TNNI1: variants seen among roughly 807,000 people sequenced by gnomAD.
The protein encoded by TNNI1 is troponin I, slow skeletal muscle.
A neutral mutation model predicts 26.7 loss-of-function variants in TNNI1; 14 were observed. The ratio of observed to expected loss-of-function variants is 0.52; its 90% CI spans 0.35 to 0.82. The LOEUF (loss-of-function observed/expected upper bound fraction) is 0.82. Ranked by LOEUF, TNNI1 falls within the 40% of genes least tolerant of loss-of-function variation. The pLI, the probability that TNNI1 is intolerant of heterozygous loss-of-function variation, is 0.01. For missense variants in TNNI1, 164 were observed against 257.0 expected (o/e 0.64, Z 2.47); for synonymous variants, 79 against 98.2 (o/e 0.80, Z 1.16).
At chr1:201,418,283 A>G (rs952144985) in intron 1 of TNNI1, among the ~76,000 whole-genome samples, 2 of 152,102 alleles carry the variant, frequency 1.3e-5, no homozygotes, top group Non-Finnish European at 2.9e-5. Context: ...AGCCTGGCCA[A>G]TATGGTCAAA....
intron 1 of TNNI1, among the ~76,000 whole-genome samples, chr1:201,421,188 C>G (rs1041435232): frequency 4.6e-5 from 7 of 152,206 alleles, no homozygotes; most frequent in Non-Finnish European, 8.8e-5. Flanking sequence ...CCTTGGCCAG[C>G]AGGGAGCTCT....
At chr1:201,410,238 T>A in intron 8 of TNNI1, 88 bp downstream of exon 8, 1 of 1,203,000 alleles carries the variant, frequency 8.3e-7, no homozygotes, top group Non-Finnish European at 1.2e-6. Flanking sequence ...TGCACCACAC[T>A]AAGTACAACC....
At chr1:201,416,890 C>A (rs1009301436) in intron 3 of TNNI1, among the ~76,000 whole-genome samples, 1 of 152,150 alleles carries the variant, frequency 6.6e-6, no homozygotes, top group Non-Finnish European at 1.5e-5. Flanking sequence ...TGACATGGTA[C>A]ACTGGCACAG....
chr1:201,414,036 T>C (rs1290228487), intron 5 of TNNI1, among the ~76,000 whole-genome samples: 1 of 152,204 alleles, frequency 6.6e-6, no homozygotes, highest in East Asian at 1.9e-4. Context: ...ACAAAAATAA[T>C]AAAAATTAAA....
intron 8 of TNNI1, 107 bp downstream of exon 8, chr1:201,410,219 G>C: frequency 2.2e-6 from 2 of 924,538 alleles, no homozygotes; most frequent in East Asian, 2.6e-5. Flanking sequence ...GCCTTAGTCC[G>C]TGCATCCGTG....
intron 3 of TNNI1, among the ~76,000 whole-genome samples, chr1:201,415,511 T>C (rs1296671725): frequency 6.6e-6 from 1 of 152,174 alleles, no homozygotes; most frequent in African/African-American, 2.4e-5. Context: ...TCTTGTAAGA[T>C]ACTATGAGGG....
At chr1:201,410,854 G>C (rs188223539) in intron 7 of TNNI1, among the ~76,000 whole-genome samples, 2 of 152,266 alleles carry the variant, frequency 1.3e-5, no homozygotes, top group Admixed American at 1.3e-4. Flanking sequence ...AAGCTTCTTG[G>C]GCCAGAGACT....
In TNNI1 at chr1:201,404,902, ACG is replaced by A; in HGVS notation, c.*4349_*4350del. ...TGAACAGGCACAAGCGTTCACACAC[ACG>A]CTCCTCCCCCAGGGGCTCCCAGGTT... On this transcript the variant is annotated 3_prime_UTR_variant, in exon 9 of 9. Transcript: ENST00000361379. The A allele has an allele frequency of 6.6e-6, 1 of 152,474 alleles. No individual in the cohort carries two copies. The highest frequency in any genetic ancestry group is 1.5e-5 in the Non-Finnish European group (1 of 68,154). 9.4% of individuals were successfully genotyped at this position (152,474 alleles called of 1,614,324 possible).
chr1:201,419,752 C>A (rs946120693), intron 1 of TNNI1, among the ~76,000 whole-genome samples: 6 of 152,214 alleles, frequency 3.9e-5, no homozygotes, highest in Non-Finnish European at 8.8e-5. Flanking sequence ...GGCCTCCCTC[C>A]ACCTCTGCCT....
chr1:201,418,044 CTTTTTTTTTTTTT>C (rs35188093), intron 1 of TNNI1, among the ~76,000 whole-genome samples: 1 of 122,362 alleles, frequency 8.2e-6, no homozygotes, highest in African/African-American at 3.0e-5. Context: ...GAATTGTAAG[CTTTTTTTTTTTTT>C]TTTTTTTTAA....
intron 3 of TNNI1, among the ~76,000 whole-genome samples, chr1:201,416,774 T>A (rs1662747979): frequency 1.3e-5 from 2 of 152,172 alleles, no homozygotes; most frequent in South Asian, 4.1e-4. Context: ...TGGAATAGGA[T>A]GGTCCCCCCA....
Position 201,417,194 on chromosome 1 carries a change from T to A in TNNI1, c.12-75A>T, listed in dbSNP as rs903614724. 6.9e-6 allele frequency: 11 copies of A among 1,601,552 alleles called. No individual in the cohort carries two copies. The Admixed American group carries it at 1.0e-4, about 15-fold the overall frequency. On this transcript the variant is annotated intron_variant, in intron 2 of 8. Transcript: ENST00000361379. ...GAGTATGAACAATGAGGATTACATG[T>A]GCAGTCGCAGAACCTCACAGACCAG... is the stretch of plus-strand genomic sequence containing the variant.
Position 201,405,006 on chromosome 1 carries a change from C to A in TNNI1, c.*4247G>T, listed in dbSNP as rs1472348749. 1 of 152,338 alleles carries A rather than the reference C, an allele frequency of 6.6e-6. No homozygotes were observed. Among genetic ancestry groups the A allele is most frequent in the Non-Finnish European group, 1.5e-5 (1 of 68,098 alleles). 9.4% of individuals were successfully genotyped at this position (152,338 alleles called of 1,614,324 possible). On this transcript the variant is annotated 3_prime_UTR_variant, in exon 9 of 9. Transcript: ENST00000361379. ...GGGCAAAGGGCCAGGCTCACCCAGCCTGTGCCAACCAGTGAGAGAGGCCAA... is the reference window on the plus strand; with the variant it reads ...GGGCAAAGGGCCAGGCTCACCCAGCATGTGCCAACCAGTGAGAGAGGCCAA...
At chr1:201,414,381 A>T (rs1662696767) in intron 5 of TNNI1, 137 bp downstream of exon 5, 1 of 701,250 alleles carries the variant, frequency 1.4e-6, no homozygotes, top group East Asian at 3.0e-5. Context: ...ATTAAATGAG[A>T]CCATGTAAGG....
chr1:201,412,190 G>T (rs1571735330), intron 6 of TNNI1, among the ~76,000 whole-genome samples: 1 of 152,334 alleles, frequency 6.6e-6, no homozygotes, highest in African/African-American at 2.4e-5. Flanking sequence ...GTGCAGGGCT[G>T]CTTCCTCTTG....
Position 201,408,424 on chromosome 1 carries a change from T to G in TNNI1, c.*829A>C, listed in dbSNP as rs571382875. ...GGCCTGGAACTGCAAGTATCTCTTC[T>G]GTGAGGCCTCCTGCCCTGTGCAGCA... On this transcript the variant is annotated 3_prime_UTR_variant, in exon 9 of 9. Coordinates refer to ENST00000361379, the MANE Select transcript of TNNI1 (RefSeq NM_003281.4). 1 of 152,326 alleles carries G rather than the reference T, an allele frequency of 6.6e-6. No individual in the cohort carries two copies. Among genetic ancestry groups the G allele is most frequent in the East Asian group, 1.9e-4 (1 of 5,182 alleles). The allele number at this position is 152,326 out of a possible 1,614,324, so 9.4% of individuals were successfully genotyped here. A position where few individuals can be genotyped will look rare whatever the true frequency, so the allele number is the denominator to read the frequency against.
rs1178197829 is a variant in TNNI1, at chr1:201,405,822, C to T, written c.*3431G>A. On this transcript the variant is annotated 3_prime_UTR_variant, in exon 9 of 9. Coordinates refer to ENST00000361379, the MANE Select transcript of TNNI1 (RefSeq NM_003281.4). ...GTAGCAGGTGGCATCCTGCCCTGGT[C>T]ATTCCTACCAAGCAGAGAGGAGCAC... is the stretch of plus-strand genomic sequence containing the variant. The T allele has an allele frequency of 1.3e-5, 2 of 152,290 alleles. No individual in the cohort carries two copies. Among genetic ancestry groups the T allele is most frequent in the African/African-American group, 4.8e-5 (2 of 41,440 alleles). The allele number at this position is 152,290 out of a possible 1,614,324, so 9.4% of individuals were successfully genotyped here.
At position 201,411,328 on chromosome 1, in the gene TNNI1, G is replaced by A. The variant is rs1009403790; in HGVS notation, c.456+29C>T. On this transcript the variant is annotated intron_variant, in intron 7 of 8. Coordinates refer to ENST00000361379, the MANE Select transcript of TNNI1 (RefSeq NM_003281.4). This position sits in a 1 kb window ranked among gnomAD's most constrained non-coding sequence, Gnocchi z 4.6. ...AAGGGGAAAGCTGGTAGGGCAGAGG[G>A]TGGAATGTTCTGAGGAAAGGGACCT... 1.2e-6 allele frequency: 2 copies of A among 1,610,374 alleles called. No individual in the cohort carries two copies. Among genetic ancestry groups the A allele is most frequent in the African/African-American group, 2.7e-5 (2 of 74,748 alleles).
intron 3 of TNNI1, among the ~76,000 whole-genome samples, chr1:201,416,553 C>T (rs1275597066): frequency 6.6e-6 from 1 of 152,196 alleles, no homozygotes; most frequent in Non-Finnish European, 1.5e-5. Flanking sequence ...CCCTGCCATC[C>T]CCATCCTTGG....
Sources: allele counts gnomAD v4.1 joint callset (sites outside exome capture counted in the v4.1 genomes callset), GRCh38; gene constraint gnomAD v4.1.1; non-coding constraint Gnocchi (gnomAD v3.1); transcripts MANE v1.5; gene names NCBI Gene and HGNC (gene_info 2026-07-23, HGNC 2026-07-21).